The following NRG1 variants were observed in gnomAD, a reference collection of about 807,000 sequenced individuals.
NRG1 encodes pro-neuregulin-1, membrane-bound isoform.
A neutral mutation model predicts 63.8 loss-of-function variants in NRG1; 18 were observed. The observed-to-expected ratio is 0.28, with a 90% CI of 0.19 to 0.42. The LOEUF is 0.42. Among genes scored for constraint, NRG1 ranks in the 10% least tolerant of loss-of-function variants. NRG1 has a pLI of 1.00. For missense variants in NRG1, 762 were observed against 814.7 expected (o/e 0.94, Z 0.79); for synonymous variants, 302 against 301.3 (o/e 1.00, Z -0.02).
At chr8:32,185,517 G>A (rs1356508185) in intron 1 of NRG1, among the ~76,000 whole-genome samples, 1 of 152,146 alleles carries the variant, frequency 6.6e-6, no homozygotes, top group African/African-American at 2.4e-5. Flanking sequence ...TTCATAGGTG[G>A]TCTCTCAAGA....
At chr8:31,668,503 G>A (rs975090993) in intron 1 of NRG1, among the ~76,000 whole-genome samples, 2 of 152,210 alleles carry the variant, frequency 1.3e-5, no homozygotes, top group Non-Finnish European at 2.9e-5. Context: ...CTATTCAAAA[G>A]TGTGAGACTA....
intron 1 of NRG1, among the ~76,000 whole-genome samples, chr8:31,974,671 G>A (rs1005425656): frequency 7.9e-5 from 12 of 152,166 alleles, no homozygotes; most frequent in African/African-American, 2.7e-4. Context: ...GGCAAGAACC[G>A]CACTACTGAA....
intron 1 of NRG1, among the ~76,000 whole-genome samples, chr8:32,262,381 C>T (rs1190617647): frequency 6.6e-6 from 1 of 151,944 alleles, no homozygotes; most frequent in African/African-American, 2.4e-5. Context: ...ATCAGGAGAC[C>T]CCCCCAAAAA....
chr8:32,727,064 A>G (rs1366050116), intron 5 of NRG1, among the ~76,000 whole-genome samples: 2 of 152,164 alleles, frequency 1.3e-5, no homozygotes, highest in Admixed American at 1.3e-4. Context: ...GGTGTTCCCA[A>G]TGATATGAGA....
At position 31,856,018 on chromosome 8, in the gene NRG1, C is replaced by T. The variant is rs1224499556; in HGVS notation, c.37+216587C>T. Among the ~76,000 whole-genome samples the T allele has an allele frequency of 6.4e-3, 959 of 150,416 alleles. 11 individuals carry two copies. Among genetic ancestry groups the T allele is most frequent in the African/African-American group, 0.023 (914 of 40,518 alleles). ...GATGGGCTTCCCTTTGAGGGTAACCCGACCTTTCTCTCTGGCTGCCCTTAA... is the reference window on the plus strand; with the variant it reads ...GATGGGCTTCCCTTTGAGGGTAACCTGACCTTTCTCTCTGGCTGCCCTTAA... On this transcript the variant is annotated intron_variant, in intron 1 of 10. Transcript: ENST00000519301.
intron 5 of NRG1, among the ~76,000 whole-genome samples, chr8:32,667,990 A>C (rs1377673167): frequency 6.6e-6 from 1 of 152,100 alleles, no homozygotes; most frequent in African/African-American, 2.4e-5. Flanking sequence ...AGGCAAGCGG[A>C]TCACCTGAGG....
intron 1 of NRG1, among the ~76,000 whole-genome samples, chr8:32,243,482 T>C (rs754520189): frequency 2.0e-5 from 3 of 151,386 alleles, no homozygotes; most frequent in Non-Finnish European, 4.4e-5. Context: ...GCCCACCCTA[T>C]GGAACTCATT....
At chr8:32,677,865 C>T (rs1440156296) in intron 5 of NRG1, among the ~76,000 whole-genome samples, 1 of 152,124 alleles carries the variant, frequency 6.6e-6, no homozygotes, top group Non-Finnish European at 1.5e-5. Flanking sequence ...AGAGTAAGCA[C>T]ATTTCTAACA....
intron 1 of NRG1, among the ~76,000 whole-genome samples, chr8:32,026,832 G>T (rs1192052581): frequency 6.6e-6 from 1 of 151,910 alleles, no homozygotes; most frequent in Non-Finnish European, 1.5e-5. Context: ...TCTACTTCAG[G>T]AATATCTGTT....
At chr8:32,388,512 G>T (rs149286898) in intron 1 of NRG1, among the ~76,000 whole-genome samples, 302 of 152,264 alleles carry the variant, frequency 2.0e-3, no homozygotes, top group African/African-American at 6.9e-3. Context: ...TGGCTACAAT[G>T]ACATTAAGAA....
intron 1 of NRG1, among the ~76,000 whole-genome samples, chr8:31,877,993 C>G (rs1238881230): frequency 6.6e-6 from 1 of 152,140 alleles, no homozygotes; most frequent in Non-Finnish European, 1.5e-5. Flanking sequence ...CAGAAAACAA[C>G]TTGTATAAAT....
At chr8:32,362,966 A>G (rs1807425450) in intron 1 of NRG1, among the ~76,000 whole-genome samples, 1 of 152,188 alleles carries the variant, frequency 6.6e-6, no homozygotes, top group South Asian at 2.1e-4. Flanking sequence ...CATTAGACCC[A>G]TCAAGGATTG....
intron 1 of NRG1, among the ~76,000 whole-genome samples, chr8:31,738,829 G>C (rs559288051): frequency 2.0e-5 from 3 of 152,086 alleles, no homozygotes; most frequent in Non-Finnish European, 4.4e-5. Flanking sequence ...GTCTCTCTCT[G>C]TGTACACATT....
chr8:32,324,490 G>T (rs1289423191), intron 1 of NRG1, among the ~76,000 whole-genome samples: 1 of 152,172 alleles, frequency 6.6e-6, no homozygotes, highest in African/African-American at 2.4e-5. Context: ...TGTAGCAAAA[G>T]GAATGGGTGG....
chr8:31,754,058 T>C (rs1200537448), intron 1 of NRG1, among the ~76,000 whole-genome samples: 1 of 152,162 alleles, frequency 6.6e-6, no homozygotes, highest in East Asian at 1.9e-4. Context: ...GCAACATTCC[T>C]GGTATGAAAA....
At chr8:31,909,912 C>T (rs1405443757) in intron 1 of NRG1, among the ~76,000 whole-genome samples, 1 of 152,104 alleles carries the variant, frequency 6.6e-6, no homozygotes, top group Non-Finnish European at 1.5e-5. Flanking sequence ...TCTAGCCACT[C>T]TTCGTGATGT....
At chr8:32,636,831 T>A (rs1478413936) in intron 5 of NRG1, among the ~76,000 whole-genome samples, 1 of 152,190 alleles carries the variant, frequency 6.6e-6, no homozygotes, top group Non-Finnish European at 1.5e-5. Context: ...ACCCTTGATA[T>A]AATTTTGAAA....
intron 1 of NRG1, among the ~76,000 whole-genome samples, chr8:32,221,319 CTT>C (rs1428523441): frequency 6.6e-6 from 1 of 152,116 alleles, no homozygotes; most frequent in East Asian, 1.9e-4. Context: ...CTTTACCTGT[CTT>C]GATGCACGGT....
chr8:32,709,728 T>TTA (rs1236439310), intron 5 of NRG1, among the ~76,000 whole-genome samples: 2 of 152,092 alleles, frequency 1.3e-5, no homozygotes, highest in East Asian at 1.9e-4. Flanking sequence ...GCATATTTTA[T>TTA]TATATATATA....
Sources: gnomAD v4.1 joint callset for allele counts (sites outside exome capture counted in the v4.1 genomes callset) on GRCh38, gnomAD v4.1.1 for gene constraint, MANE v1.5 for transcripts, NCBI Gene and HGNC (gene_info 2026-07-23, HGNC 2026-07-21) for gene names.